The following SMAD9 variants were observed in gnomAD, a reference collection of about 807,000 sequenced individuals.
SMAD9 encodes the protein MAD homolog 9.
Under a neutral mutation model 46.1 loss-of-function variants are expected in SMAD9, and 36 were observed. The observed-to-expected ratio is 0.78, with a 90% CI of 0.60 to 1.03. The LOEUF is 1.03. Ranked by LOEUF, SMAD9 falls within the 50% of genes least tolerant of loss-of-function variation. The pLI, the probability that SMAD9 is intolerant of heterozygous loss-of-function variation, is 0.00. For synonymous variants in SMAD9, 245 were observed against 237.1 expected, an observed-to-expected ratio of 1.03 and a Z score of -0.31; for missense variants, 572 against 599.8, an observed-to-expected ratio of 0.95 and a Z score of 0.48.
Position 36,853,435 on chromosome 13 carries a change from C to T in SMAD9, c.1244G>A (p.Arg415Gln), listed in dbSNP as rs763272058. The T allele has an allele frequency of 9.3e-6, 15 of 1,613,898 alleles. No homozygotes were observed. Among genetic ancestry groups the T allele is most frequent in the South Asian group, 4.4e-5 (4 of 91,074 alleles). Residue 415 changes from arginine (R) to glutamine (Q), a missense_variant, in exon 6 of 7, where the codon CGG becomes CAG. Transcript: ENST00000379826. ...VYELTKMCTI[R>Q]MSFVKGWGAE... ...ACTCCTTACCTTAACAAAACTCATC[C>T]GGATAGTACACATCTTGGTCAGTTC... is the stretch of plus-strand genomic sequence containing the variant.
chr13:36,873,340 G>C (rs932975865), intron 2 of SMAD9, among the ~76,000 whole-genome samples: 2 of 151,978 alleles, frequency 1.3e-5, no homozygotes, highest in African/African-American at 4.8e-5. Flanking sequence ...TTTCCCCCAA[G>C]GCAAAATCAG....
chr13:36,885,455 G>A (rs2058437439), intron 1 of SMAD9, among the ~76,000 whole-genome samples: 1 of 151,982 alleles, frequency 6.6e-6, no homozygotes, highest in Non-Finnish European at 1.5e-5. Context: ...ATTCCCATAT[G>A]TCCCAAATGA....
intron 1 of SMAD9, among the ~76,000 whole-genome samples, chr13:36,916,901 G>A (rs1033150078): frequency 6.6e-6 from 1 of 151,390 alleles, no homozygotes; most frequent in African/African-American, 2.4e-5. Flanking sequence ...CTCAGCGTGG[G>A]GTAAAGGTGC....
intron 1 of SMAD9, among the ~76,000 whole-genome samples, chr13:36,897,763 A>T (rs1440213361): frequency 6.6e-6 from 1 of 152,042 alleles, no homozygotes; most frequent in Non-Finnish European, 1.5e-5. Flanking sequence ...ATAATTGCTC[A>T]ATTCATGCAG....
intron 5 of SMAD9, among the ~76,000 whole-genome samples, chr13:36,855,014 T>G (rs1440211700): frequency 1.3e-5 from 2 of 151,988 alleles, no homozygotes; most frequent in African/African-American, 4.8e-5. Context: ...GGCTGGGTGC[T>G]CACACCTGCA....
chr13:36,878,462 C>T (rs2138485186), intron 2 of SMAD9, among the ~76,000 whole-genome samples: 1 of 152,270 alleles, frequency 6.6e-6, no homozygotes, highest in Admixed American at 6.5e-5. Flanking sequence ...GTGTAGCAGG[C>T]TCATGGTTTG....
chr13:36,879,360 C>T lies in SMAD9; in HGVS notation c.330G>A (p.Leu110=), dbSNP rs1177019925. 3.1e-6 allele frequency: 5 copies of T among 1,614,062 alleles called. No individual in the cohort carries two copies. Among genetic ancestry groups the T allele is most frequent in the Admixed American group, 3.3e-5 (2 of 60,012 alleles). The change falls in exon 2 of 7, where the codon CTG becomes CTA. Residue 110 remains leucine (L), a synonymous_variant. Coordinates refer to ENST00000379826, the MANE Select transcript of SMAD9 (RefSeq NM_001127217.3). ...DLQSHHELKP[L]ECCEFPFGSK... ...AGCCAAATGGGAACTCACAGCACTC[C>T]AGCGGCTTCAGCTCGTGGTGGGACT...
At chr13:36,871,770 T>C (rs2058297891) in intron 3 of SMAD9, among the ~76,000 whole-genome samples, 1 of 152,230 alleles carries the variant, frequency 6.6e-6, no homozygotes, top group Non-Finnish European at 1.5e-5. Context: ...CAATTCCCTC[T>C]TTATCTTCCC....
chr13:36,906,947 T>C (rs1593624022), intron 1 of SMAD9, among the ~76,000 whole-genome samples: 2 of 152,208 alleles, frequency 1.3e-5, no homozygotes, highest in South Asian at 2.1e-4. Context: ...TCAATGTTCA[T>C]AGCATTATTT....
In SMAD9 at chr13:36,893,441, A is replaced by ATAT. The variant is rs1566033899; in HGVS notation, c.-186-13567_-186-13566insATA. 1.0e-3 allele frequency among the ~76,000 whole-genome samples: 143 copies of ATAT among 142,120 alleles called. 1 individual carries two copies. The highest frequency in any genetic ancestry group is 3.2e-3 in the Admixed American group (46 of 14,274). 93.2% of individuals were successfully genotyped at this position (142,120 alleles called of 152,430 possible). A position where few individuals can be genotyped will look rare whatever the true frequency, so the allele number is the denominator to read the frequency against. The stretch of plus-strand genomic sequence containing the variant: ...AGATATATATATAAATATAAATATA[A>ATAT]ATATATATATATATACACATAAAGA... On this transcript the variant is annotated intron_variant, in intron 1 of 6. Transcript: ENST00000379826.
At position 36,865,623 on chromosome 13, in the gene SMAD9, T is replaced by A; in HGVS notation, c.917A>T (p.Asn306Ile). The A allele has an allele frequency of 6.2e-7, 1 of 1,614,216 alleles. No individual in the cohort carries two copies. Among genetic ancestry groups the A allele is most frequent in the Non-Finnish European group, 8.5e-7 (1 of 1,180,012 alleles). Reference protein sequence around the residue: ...VLIDGFTDPSNNRNRFCLGLL... With the variant: ...VLIDGFTDPSINRNRFCLGLL... ...TCCAAGACAGAATCTGTTCCTGTTA[T>A]TTGAAGGGTCGGTGAACCCATCTAT... The change falls in exon 5 of 7, where the codon AAT becomes ATT. Residue 306 changes from asparagine to isoleucine, a missense_variant. Physicochemically the swap from Asn to Ile is moderately radical, Grantham distance 149. Transcript: ENST00000379826.
chr13:36,857,483 C>T (rs1034823310), intron 5 of SMAD9, among the ~76,000 whole-genome samples: 2 of 152,132 alleles, frequency 1.3e-5, no homozygotes, highest in African/African-American at 2.4e-5. Context: ...GACTGCCACC[C>T]ACTTTTTATG....
Position 36,865,562 on chromosome 13 carries a change from T to A in SMAD9, c.978A>T (p.Glu326Asp). The A allele has an allele frequency of 6.2e-7, 1 of 1,613,970 alleles. No individual in the cohort carries two copies. Among genetic ancestry groups the A allele is most frequent in the South Asian group, 1.1e-5 (1 of 91,068 alleles). The change falls in exon 5 of 7, where the codon GAA becomes GAT. Residue 326 changes from glutamate (E) to aspartate (D), a missense_variant. Transcript: ENST00000379826. ...CCTTTCCTATATGTCTCCTGGTATT[T>A]TCTATCGTTGAGTTTCTGTTTACAT... is the stretch of plus-strand genomic sequence containing the variant. ...LSNVNRNSTI[E>D]NTRRHIGKGV...
chr13:36,914,689 C>T (rs1176471692), intron 1 of SMAD9, among the ~76,000 whole-genome samples: 6 of 152,176 alleles, frequency 3.9e-5, no homozygotes, highest in Admixed American at 3.9e-4. Context: ...TATTCTGCCA[C>T]AAAGTGGGAA....
chr13:36,880,015 C>T (rs985728721), intron 1 of SMAD9, 140 bp from the exon 2 acceptor site: 46 of 384,952 alleles, frequency 1.2e-4, no homozygotes, highest in African/African-American at 2.0e-5. Flanking sequence ...GAGGTCAAGG[C>T]TGCGCCACTG....
intron 1 of SMAD9, among the ~76,000 whole-genome samples, chr13:36,895,357 T>A (rs2058519554): frequency 6.6e-6 from 1 of 152,158 alleles, no homozygotes; most frequent in South Asian, 2.1e-4. Flanking sequence ...TTTCTCAACC[T>A]CAACTAGCAT....
intron 3 of SMAD9, among the ~76,000 whole-genome samples, chr13:36,870,475 T>A (rs2058280347): frequency 6.6e-6 from 1 of 152,074 alleles, no homozygotes; most frequent in Admixed American, 6.6e-5. Context: ...TGGACCTCCC[T>A]CCCCCAATTC....
chr13:36,884,850 G>A (rs1266975908), intron 1 of SMAD9, among the ~76,000 whole-genome samples: 2 of 152,156 alleles, frequency 1.3e-5, no homozygotes, highest in Non-Finnish European at 2.9e-5. Context: ...AATCCTTCAC[G>A]GGCACTGCTT....
intron 3 of SMAD9, 28 bp from the exon 4 acceptor site, chr13:36,867,411 T>C (rs766718601): frequency 1.9e-5 from 27 of 1,426,086 alleles, no homozygotes; most frequent in East Asian, 5.0e-5. Flanking sequence ...AACAAAGGAA[T>C]TGTCAAATCG....
Sources: allele counts gnomAD v4.1 joint callset (sites outside exome capture counted in the v4.1 genomes callset), GRCh38; gene constraint gnomAD v4.1.1; transcripts MANE v1.5; gene names NCBI Gene and HGNC (gene_info 2026-07-23, HGNC 2026-07-21).